Variants in MET observed in about 807,000 individuals in gnomAD.
MET encodes hepatocyte growth factor receptor.
In MET, 48 loss-of-function variants were observed where a neutral mutation model predicts 133.1. The observed-to-expected ratio is 0.36, with a 90% CI of 0.29 to 0.46. The LOEUF is 0.46. MET is among the 20% of genes least tolerant of loss of function. The pLI, the probability that MET is intolerant of heterozygous loss-of-function variation, is 1.00. For synonymous variants in MET, 628 were observed against 616.5 expected (o/e 1.02, Z -0.28); for missense variants, 1,442 against 1,695.9 (o/e 0.85, Z 2.63).
intron 2 of MET, among the ~76,000 whole-genome samples, chr7:116,707,942 G>T (rs1225678316): frequency 6.6e-6 from 1 of 152,110 alleles, no homozygotes; most frequent in Non-Finnish European, 1.5e-5. Flanking sequence ...GCATAAAAGG[G>T]CCAAAACCTT....
At chr7:116,687,895 C>G (rs1796617786) in intron 1 of MET, among the ~76,000 whole-genome samples, 1 of 152,220 alleles carries the variant, frequency 6.6e-6, no homozygotes, top group Non-Finnish European at 1.5e-5. Flanking sequence ...GCTGATTTCT[C>G]TTTCTTTGTG....
In MET at chr7:116,749,827, A is replaced by G. The variant is rs192298985; in HGVS notation, c.1702-5528A>G. Among the ~76,000 whole-genome samples, 15 of 152,352 alleles carry G rather than the reference A, an allele frequency of 9.8e-5. No individual in the cohort carries two copies. The East Asian group carries it at 1.5e-3, about 16-fold the overall frequency. On this transcript the variant is annotated intron_variant, in intron 5 of 20. Transcript: ENST00000397752. ...CCATACACCAATAATAGACAAACAGAGAGCCAAATCATGAGTGAAGTCTCA... is the reference window on the plus strand; with the variant it reads ...CCATACACCAATAATAGACAAACAGGGAGCCAAATCATGAGTGAAGTCTCA...
At chr7:116,734,899 C>A (rs961734858) in intron 3 of MET, among the ~76,000 whole-genome samples, 6 of 152,134 alleles carry the variant, frequency 3.9e-5, no homozygotes, top group African/African-American at 1.4e-4. Context: ...CCCTTCTGAG[C>A]GCCTCGTCTA....
At chr7:116,784,895 T>A (rs1171761931) in intron 19 of MET, among the ~76,000 whole-genome samples, 1 of 152,054 alleles carries the variant, frequency 6.6e-6, no homozygotes, top group Admixed American at 6.5e-5. Context: ...TATGAGCCTG[T>A]AAAATAAAAA....
intron 19 of MET, among the ~76,000 whole-genome samples, chr7:116,783,694 G>A: frequency 6.6e-6 from 1 of 152,134 alleles, no homozygotes; most frequent in East Asian, 1.9e-4. Flanking sequence ...CAGCTCCTTA[G>A]GAAGCCCAGA....
intron 1 of MET, among the ~76,000 whole-genome samples, chr7:116,691,763 G>T (rs894584478): frequency 1.3e-5 from 2 of 152,168 alleles, no homozygotes; most frequent in Non-Finnish European, 2.9e-5. Context: ...AATGAAAGAG[G>T]CCCTCTCCCA....
intron 2 of MET, among the ~76,000 whole-genome samples, chr7:116,707,975 G>A (rs1161252489): frequency 6.6e-6 from 1 of 152,116 alleles, no homozygotes; most frequent in Non-Finnish European, 1.5e-5. Context: ...TTCAGCAGGA[G>A]ACAGAGGAAA....
intron 11 of MET, among the ~76,000 whole-genome samples, chr7:116,764,941 A>G (rs1794564483): frequency 6.6e-6 from 1 of 152,156 alleles, no homozygotes; most frequent in African/African-American, 2.4e-5. Flanking sequence ...GCAAAGGCAT[A>G]AGAGAATATT....
chr7:116,701,972 G>A (rs1791596288), intron 2 of MET, among the ~76,000 whole-genome samples: 1 of 151,986 alleles, frequency 6.6e-6, no homozygotes, highest in African/African-American at 2.4e-5. Context: ...AATTCATAAA[G>A]GTATATTGAT....
At chr7:116,779,200 T>C (rs549316062) in intron 17 of MET, among the ~76,000 whole-genome samples, 3 of 152,206 alleles carry the variant, frequency 2.0e-5, no homozygotes, top group Non-Finnish European at 4.4e-5. Flanking sequence ...TTCCCTCTGA[T>C]AGGGACATTT....
At chr7:116,783,517 C>T (rs1795215896) in intron 19 of MET, 48 bp downstream of exon 19, 1 of 1,605,238 alleles carries the variant, frequency 6.2e-7, no homozygotes, top group Admixed American at 1.7e-5. Context: ...CTTTCATATC[C>T]AACTTTTTTT....
At chr7:116,720,672 T>A (rs1792447539) in intron 2 of MET, among the ~76,000 whole-genome samples, 1 of 138,048 alleles carries the variant, frequency 7.2e-6, no homozygotes, top group Non-Finnish European at 1.5e-5. Flanking sequence ...CAATACCTAA[T>A]TTATTGAGAG....
chr7:116,790,921 A>C (rs537177439), intron 19 of MET, among the ~76,000 whole-genome samples: 55 of 152,266 alleles, frequency 3.6e-4, no homozygotes, highest in African/African-American at 1.2e-3. Flanking sequence ...CACTAAAAAT[A>C]CAAAAAATTA....
intron 5 of MET, among the ~76,000 whole-genome samples, chr7:116,749,783 G>A (rs1386493397): frequency 6.6e-6 from 1 of 152,126 alleles, no homozygotes; most frequent in Non-Finnish European, 1.5e-5. Flanking sequence ...AAATCAATGT[G>A]CAAAAATCAC....
Position 116,796,285 on chromosome 7 carries a change from TG to T in MET, c.*162del. On this transcript the variant is annotated 3_prime_UTR_variant, in exon 21 of 21. Coordinates refer to ENST00000397752, the MANE Select transcript of MET (RefSeq NM_000245.4). Reference sequence around the variant, plus strand: ...ACTGGATTCTAAGGAATTTCTTATCTGACAGAGCATCAGAACCAGAGGCTTG... The same window carrying T: ...ACTGGATTCTAAGGAATTTCTTATCTACAGAGCATCAGAACCAGAGGCTTG... The T allele has an allele frequency of 2.8e-6, 2 of 721,674 alleles. No individual in the cohort carries two copies. Among genetic ancestry groups the T allele is most frequent in the Non-Finnish European group, 4.8e-6 (2 of 420,160 alleles). The allele number at this position is 721,674 out of a possible 1,614,324, so 44.7% of individuals were successfully genotyped here.
Position 116,731,621 on chromosome 7 carries a change from G to A in MET, c.1201-47G>A, listed in dbSNP as rs781062382. On this transcript the variant is annotated intron_variant, in intron 2 of 20. Transcript: ENST00000397752. ...ACACTGAAAGGTTTCTTACCAGCTT[G>A]TTCATGTCTGGATTCACATTAACTC... is the stretch of plus-strand genomic sequence containing the variant. 4.4e-6 allele frequency: 7 copies of A among 1,598,830 alleles called. No homozygotes were observed. The South Asian group carries it at 6.6e-5, about 15-fold the overall frequency.
Position 116,785,601 on chromosome 7 carries a change from A to G in MET, c.3798+2132A>G, listed in dbSNP as rs75311055. Among the ~76,000 whole-genome samples the G allele has an allele frequency of 4.6e-3, 695 of 152,316 alleles. 8 individuals carry two copies. Among genetic ancestry groups the G allele is most frequent in the African/African-American group, 0.016 (674 of 41,570 alleles). ...CCAGGCCTCAGCTCCCACACTGGGGATTATAATTCAACATGAGATTTGAAT... is the reference window on the plus strand; with the variant it reads ...CCAGGCCTCAGCTCCCACACTGGGGGTTATAATTCAACATGAGATTTGAAT... On this transcript the variant is annotated intron_variant, in intron 19 of 20. Transcript: ENST00000397752.
At chr7:116,772,654 G>T (rs1249706800) in intron 14 of MET, among the ~76,000 whole-genome samples, 2 of 152,152 alleles carry the variant, frequency 1.3e-5, no homozygotes, top group African/African-American at 2.4e-5. Flanking sequence ...ATCTTTAGAA[G>T]TTACAGGATG....
intron 2 of MET, among the ~76,000 whole-genome samples, chr7:116,712,936 T>TG (rs570141585): frequency 8.1e-4 from 123 of 152,302 alleles, no homozygotes; most frequent in African/African-American, 2.7e-3. Context: ...ACTCACCCTT[T>TG]GAGCGGGTGA....
Sources: allele counts gnomAD v4.1 joint callset (sites outside exome capture counted in the v4.1 genomes callset), GRCh38; gene constraint gnomAD v4.1.1; transcripts MANE v1.5; gene names NCBI Gene and HGNC (gene_info 2026-07-23, HGNC 2026-07-21).